The following PHKB variants were observed in gnomAD, a reference collection of about 807,000 sequenced individuals.
PHKB encodes the protein phosphorylase kinase regulatory subunit beta.
PHKB carries 122 observed loss-of-function variants against 152.1 expected under a neutral mutation model. The ratio of observed to expected loss-of-function variants is 0.80; its 90% CI spans 0.69 to 0.93. The LOEUF is 0.93. Among genes scored for constraint, PHKB ranks in the 40% least tolerant of loss-of-function variants. The probability of loss-of-function intolerance (pLI) is 0.00; values close to 1 mark genes in which losing one functional copy is unlikely to be tolerated. For synonymous variants in PHKB, 436 were observed against 464.9 expected (o/e 0.94, Z 0.80); for missense variants, 1,304 against 1,328.4 (o/e 0.98, Z 0.29).
chr16:47,478,588 T>A (rs1047299324), intron 1 of PHKB, among the ~76,000 whole-genome samples: 1 of 150,976 alleles, frequency 6.6e-6, no homozygotes, highest in African/African-American at 2.4e-5. Context: ...AAACCCCATT[T>A]AAAAAAAAAT....
intron 1 of PHKB, among the ~76,000 whole-genome samples, chr16:47,479,333 A>G (rs1048203091): frequency 6.6e-6 from 1 of 152,190 alleles, no homozygotes. Context: ...TAGTTGGTTC[A>G]TGATCTTACT....
chr16:47,699,291 G>A lies in PHKB; in HGVS notation c.3207G>A (p.Leu1069=). ...GAAAAAGAGGAACATGCAGCTATTT[G>A]ACAAAGGCGGTGATGAATCTGCTGC... ...PLGKRGTCSY[L]TKAVMNLLLE... Residue 1069 remains leucine, a synonymous_variant, in exon 31 of 31, where the codon TTG becomes TTA. Coordinates refer to ENST00000323584, the MANE Select transcript of PHKB (RefSeq NM_000293.3). 1 of 1,614,084 alleles carries A rather than the reference G, an allele frequency of 6.2e-7. No individual in the cohort carries two copies. The highest frequency in any genetic ancestry group is 8.5e-7 in the Non-Finnish European group (1 of 1,179,952).
rs1280344347 is a variant in PHKB, at chr16:47,588,936, G to C, written c.902G>C (p.Ser301Thr). 3 of 1,613,852 alleles carry C rather than the reference G, an allele frequency of 1.9e-6. No individual in the cohort carries two copies. Among genetic ancestry groups the C allele is most frequent in the African/African-American group, 1.3e-5 (1 of 74,914 alleles). ...NTDAALLPCI[S>T]YPAFALDDEV... ...GATGCTGCCCTGCTCCCCTGCATCA[G>C]TTATCCTGCATTTGCCCTGGATGAT... is the stretch of plus-strand genomic sequence containing the variant. Residue 301 changes from serine (S) to threonine (T), a missense_variant, in exon 10 of 31, where the codon AGT becomes ACT. Coordinates refer to ENST00000323584, the MANE Select transcript of PHKB (RefSeq NM_000293.3).
chr16:47,566,646 T>C (rs1971572400), intron 7 of PHKB: 3 of 1,035,438 alleles, frequency 2.9e-6, no homozygotes, highest in Non-Finnish European at 3.0e-6. Flanking sequence ...CCAGTCGATA[T>C]TGGGTTCCCA....
Position 47,566,684 on chromosome 16 carries a change from G to A in PHKB, c.711-13611G>A. On this transcript the variant is annotated intron_variant, in intron 7 of 30. Transcript: ENST00000323584. ...CAGCCCCTGGAGCAGTGGGAAGGAT[G>A]GAACGGTCAATTGGAGGTGCCCTAT... The A allele has an allele frequency of 6.0e-6, 5 of 829,872 alleles. No individual in the cohort carries two copies. The South Asian group carries it at 6.6e-5, about 11-fold the overall frequency. 51.4% of individuals were successfully genotyped at this position (829,872 alleles called of 1,614,324 possible).
chr16:47,506,599 C>A (rs996361806), intron 4 of PHKB, among the ~76,000 whole-genome samples: 8 of 152,152 alleles, frequency 5.3e-5, no homozygotes, highest in African/African-American at 7.2e-5. Context: ...ATGAATTCAA[C>A]TTTTCTCTCT....
At position 47,699,498 on chromosome 16, in the gene PHKB, G is replaced by T; in HGVS notation, c.*132G>T. ...GGGAGGTGAATGCCACATCCTTGGC[G>T]GGGTTATGGACCTCTTGCATGTCAT... On this transcript the variant is annotated 3_prime_UTR_variant, in exon 31 of 31. Transcript: ENST00000323584. 5 of 1,007,666 alleles carry T rather than the reference G, an allele frequency of 5.0e-6. No homozygotes were observed. The East Asian group carries it at 1.2e-4, about 24-fold the overall frequency. 62.4% of individuals were successfully genotyped at this position (1,007,666 alleles called of 1,614,324 possible). A position where few individuals can be genotyped will look rare whatever the true frequency, so the allele number is the denominator to read the frequency against.
At chr16:47,592,201 T>A (rs1432147181) in intron 10 of PHKB, among the ~76,000 whole-genome samples, 1 of 152,220 alleles carries the variant, frequency 6.6e-6, no homozygotes, top group Non-Finnish European at 1.5e-5. Context: ...CTGGTCCTGT[T>A]TTTTGCCCTA....
intron 7 of PHKB, among the ~76,000 whole-genome samples, chr16:47,559,285 A>G (rs1249822193): frequency 6.6e-6 from 1 of 152,148 alleles, no homozygotes; most frequent in Non-Finnish European, 1.5e-5. Context: ...TTTGGTTACT[A>G]TTTTACAGTA....
chr16:47,663,817 G>T (rs1434935672), intron 24 of PHKB, 83 bp downstream of exon 24: 5 of 850,010 alleles, frequency 5.9e-6, no homozygotes, highest in African/African-American at 1.7e-5. Context: ...CAATATTAAA[G>T]ATAGTTATTC....
Position 47,641,713 on chromosome 16 carries a change from C to T in PHKB, c.1608+21C>T, listed in dbSNP as rs755530617. On this transcript the variant is annotated intron_variant, in intron 16 of 30. Coordinates refer to ENST00000323584, the MANE Select transcript of PHKB (RefSeq NM_000293.3). Reference sequence around the variant, plus strand: ...TGAAAGTAAGTGATTCTGCCTTTTACTTTCCTTACTTTGTAGAGGTACTAG... The same window carrying T: ...TGAAAGTAAGTGATTCTGCCTTTTATTTTCCTTACTTTGTAGAGGTACTAG... The T allele has an allele frequency of 3.4e-5, 43 of 1,269,620 alleles. No homozygotes were observed. In the Admixed American group the frequency reaches 7.2e-4, roughly 21 times the overall value. 78.6% of individuals were successfully genotyped at this position (1,269,620 alleles called of 1,614,324 possible).
intron 6 of PHKB, among the ~76,000 whole-genome samples, chr16:47,518,267 T>C (rs1438110618): frequency 6.6e-6 from 1 of 152,232 alleles, no homozygotes; most frequent in Non-Finnish European, 1.5e-5. Flanking sequence ...GATATACATA[T>C]GTGCACACAC....
At chr16:47,583,043 C>T (rs1039234727) in intron 8 of PHKB, among the ~76,000 whole-genome samples, 7 of 152,154 alleles carry the variant, frequency 4.6e-5, no homozygotes, top group South Asian at 2.1e-4. Context: ...GTGATCCACC[C>T]GCCTTGGCCT....
At chr16:47,647,324 A>G (rs770311635) in intron 16 of PHKB, among the ~76,000 whole-genome samples, 30 of 151,876 alleles carry the variant, frequency 2.0e-4, no homozygotes, top group Non-Finnish European at 3.5e-4. Context: ...GGGTTTCACC[A>G]TGTCGGCCAG....
chr16:47,649,634 G>A (rs577984882), intron 18 of PHKB, among the ~76,000 whole-genome samples: 27 of 152,274 alleles, frequency 1.8e-4, no homozygotes, highest in African/African-American at 6.0e-4. Flanking sequence ...GAGCAGAGAA[G>A]GTTAGAATCA....
chr16:47,658,631 A>G (rs1416527852), intron 20 of PHKB, among the ~76,000 whole-genome samples: 2 of 152,142 alleles, frequency 1.3e-5, no homozygotes, highest in African/African-American at 4.8e-5. Context: ...ACAGTTGCCT[A>G]CAGTATTCAG....
At chr16:47,520,026 G>A (rs1970659858) in intron 6 of PHKB, among the ~76,000 whole-genome samples, 1 of 151,820 alleles carries the variant, frequency 6.6e-6, no homozygotes, top group Non-Finnish European at 1.5e-5. Flanking sequence ...GAAGCTTTGT[G>A]TCCTAGATTC....
chr16:47,532,237 G>T (rs1970873595), intron 6 of PHKB, among the ~76,000 whole-genome samples: 1 of 152,134 alleles, frequency 6.6e-6, no homozygotes, highest in Admixed American at 6.5e-5. Context: ...TCTTGAGGTG[G>T]GCATAAGTTC....
rs746809041 is a variant in PHKB, at chr16:47,699,259, C to G, written c.3175C>G (p.Pro1059Ala). 6.2e-7 allele frequency: 1 copy of G among 1,613,932 alleles called. No individual in the cohort carries two copies. Among genetic ancestry groups the G allele is most frequent in the Admixed American group, 1.7e-5 (1 of 60,026 alleles). The change falls in exon 31 of 31, where the codon CCC becomes GCC. Residue 1059 changes from proline to alanine, a missense_variant. Transcript: ENST00000323584. ...DDMTSFYNTP[P>A]LGKRGTCSYL... ...CATGACTTCCTTTTACAACACTCCT[C>G]CCCTGGGAAAAAGAGGAACATGCAG...
Sources: allele counts gnomAD v4.1 joint callset (sites outside exome capture counted in the v4.1 genomes callset), GRCh38; gene constraint gnomAD v4.1.1; transcripts MANE v1.5; gene names NCBI Gene and HGNC (gene_info 2026-07-23, HGNC 2026-07-21).